Variants in NAAA observed in about 807,000 individuals in gnomAD.
NAAA encodes the protein N-acylethanolamine acid amidase.
Under a neutral mutation model 44.8 loss-of-function variants are expected in NAAA, and 39 were observed. The ratio of observed to expected loss-of-function variants is 0.87; its 90% CI spans 0.67 to 1.14. The LOEUF (loss-of-function observed/expected upper bound fraction) is 1.14, where lower values mean the gene tolerates loss of function less well. Among genes scored for constraint, NAAA ranks in the 50% most tolerant of loss-of-function variants. NAAA has a pLI of 0.00. For missense variants in NAAA, 460 were observed against 467.8 expected (o/e 0.98, Z 0.15); for synonymous variants, 178 against 191.3 (o/e 0.93, Z 0.58).
chr4:75,921,215 ATATGT>A, intron 5 of NAAA, 92 bp from the exon 6 acceptor site: 1 of 1,185,212 alleles, frequency 8.4e-7, no homozygotes, highest in Non-Finnish European at 1.2e-6. Context: ...CATTCTCCTG[ATATGT>A]TATGTCATGA....
At chr4:75,926,671 C>T (rs1726728992) in intron 4 of NAAA, among the ~76,000 whole-genome samples, 2 of 151,786 alleles carry the variant, frequency 1.3e-5, no homozygotes, top group Admixed American at 6.6e-5. Context: ...TCAGAGAACT[C>T]CTAAAACTCA....
In NAAA at chr4:75,939,437, A is replaced by G. The variant is rs1300083241; in HGVS notation, c.371+564T>C. Among the ~76,000 whole-genome samples the G allele has an allele frequency of 2.1e-5, 3 of 141,194 alleles. No individual in the cohort carries two copies. The Admixed American group carries it at 2.2e-4, about 10-fold the overall frequency. 92.6% of individuals were successfully genotyped at this position (141,194 alleles called of 152,430 possible). On this transcript the variant is annotated intron_variant, in intron 2 of 10. Coordinates refer to ENST00000286733, the MANE Select transcript of NAAA (RefSeq NM_014435.4). ...GAATTTTTTTTTTTTTTTTTTTGAG[A>G]CAGAGTCTCGCACTGTCGCCAGGGC...
intron 2 of NAAA, among the ~76,000 whole-genome samples, chr4:75,938,886 C>T (rs767428795): frequency 9.2e-5 from 14 of 152,154 alleles, no homozygotes; most frequent in Admixed American, 4.6e-4. Flanking sequence ...CTCGCTTTGT[C>T]GCCCAGGCTG....
intron 5 of NAAA, 107 bp downstream of exon 5, chr4:75,925,628 A>G: frequency 9.7e-7 from 1 of 1,034,404 alleles, no homozygotes. Flanking sequence ...TTAGATGCTT[A>G]TTCTTTTAAG....
chr4:75,922,862 T>C (rs1449219536), intron 5 of NAAA, among the ~76,000 whole-genome samples: 1 of 152,210 alleles, frequency 6.6e-6, no homozygotes. Flanking sequence ...ATCAAATTCA[T>C]TTTCTCTAAC....
downstream of NAAA, among the ~76,000 whole-genome samples, chr4:75,910,733 C>T (rs1052341318): frequency 3.9e-5 from 6 of 152,180 alleles, no homozygotes; most frequent in Non-Finnish European, 7.3e-5. Flanking sequence ...GGGAGCACAA[C>T]AAATCCCAAG....
rs201864537 is a variant in NAAA, at chr4:75,940,163, T to A, written c.209A>T (p.Asp70Val). The change falls in exon 2 of 11, where the codon GAC (aspartate) becomes GTC (valine). Residue 70 changes from aspartate (D) to valine (V), a missense_variant and splice_region_variant. Coordinates refer to ENST00000286733, the MANE Select transcript of NAAA (RefSeq NM_014435.4). Reference sequence around the variant, plus strand: ...CACGTGCACCCACTTGGGGACTCTGTCCCTAGAAACAAAAAGCACAAGGGC... The same window carrying A: ...CACGTGCACCCACTTGGGGACTCTGACCCTAGAAACAAAAAGCACAAGGGC... The part of the protein sequence containing the change: ...VRAAMAQVIG[D>V]RVPKWVHVLI... The A allele has an allele frequency of 2.1e-5, 34 of 1,612,552 alleles. No homozygotes were observed. The highest frequency in any genetic ancestry group is 2.7e-5 in the Non-Finnish European group (32 of 1,179,100).
chr4:75,912,946 G>A (rs901370395), downstream of NAAA, among the ~76,000 whole-genome samples: 1 of 152,042 alleles, frequency 6.6e-6, no homozygotes, highest in South Asian at 2.1e-4. Flanking sequence ...AATATTCTGG[G>A]CCACTAGAGA....
At chr4:75,918,665 C>T in intron 9 of NAAA, 96 bp downstream of exon 9, 1 of 1,322,900 alleles carries the variant, frequency 7.6e-7, no homozygotes, top group Non-Finnish European at 1.1e-6. Context: ...AGCCTGGTTA[C>T]AGGAGCCCTC....
At chr4:75,910,951 G>A (rs1193456444), downstream of NAAA, among the ~76,000 whole-genome samples, 1 of 152,192 alleles carries the variant, frequency 6.6e-6, no homozygotes, top group Non-Finnish European at 1.5e-5. Flanking sequence ...TATAGGTTTG[G>A]GATAGACGGT....
intron 6 of NAAA, 53 bp from the exon 7 acceptor site, chr4:75,920,853 G>C: frequency 6.2e-7 from 1 of 1,613,510 alleles, no homozygotes; most frequent in Admixed American, 1.7e-5. Flanking sequence ...CGACATAGCA[G>C]AGGAGACATA....
intron 8 of NAAA, chr4:75,919,375 A>T (rs551035577): frequency 6.5e-6 from 1 of 153,134 alleles, no homozygotes; most frequent in Admixed American, 6.5e-5. Flanking sequence ...TTTTCTTTTA[A>T]ACAATGAACA....
At chr4:75,913,605 G>A (rs1321762462), downstream of NAAA, 7 of 885,810 alleles carry the variant, frequency 7.9e-6, no homozygotes, top group Admixed American at 6.2e-5. Flanking sequence ...CAGGACAGCA[G>A]TTCAGAACCA....
chr4:75,939,973 T>TTAC, intron 2 of NAAA, 28 bp downstream of exon 2: 1 of 1,610,376 alleles, frequency 6.2e-7, no homozygotes, highest in South Asian at 1.1e-5. Flanking sequence ...AAGCCCCGCG[T>TTAC]TACTCCGCGC....
At chr4:75,925,615 C>A in intron 5 of NAAA, 120 bp downstream of exon 5, 1 of 899,930 alleles carries the variant, frequency 1.1e-6, no homozygotes. Flanking sequence ...ACTTTGCAGA[C>A]ATTTAGATGC....
intron 4 of NAAA, 120 bp downstream of exon 4, chr4:75,931,094 G>C (rs1318155127): frequency 2.8e-6 from 2 of 709,096 alleles, no homozygotes; most frequent in East Asian, 5.3e-5. Context: ...CTCCCCCTAG[G>C]ATGGAAGTCC....
chr4:75,923,044 T>A lies in NAAA; in HGVS notation c.667-1921A>T, dbSNP rs181960712. On this transcript the variant is annotated intron_variant, in intron 5 of 10. Transcript: ENST00000286733. ...TTCTTTCTTCTTCCTTTTTTTTTTTTAGTCTAGGTCCCAGAGTTTCTTTTG... is the reference window on the plus strand; with the variant it reads ...TTCTTTCTTCTTCCTTTTTTTTTTTAAGTCTAGGTCCCAGAGTTTCTTTTG... Among the ~76,000 whole-genome samples, 23 of 152,010 alleles carry A rather than the reference T, an allele frequency of 1.5e-4. No homozygotes were observed. The East Asian group carries it at 4.1e-3, about 27-fold the overall frequency.
At chr4:75,939,099 C>T (rs183156245) in intron 2 of NAAA, among the ~76,000 whole-genome samples, 2,174 of 152,122 alleles carry the variant, frequency 0.014, 43 homozygotes, top group African/African-American at 0.048. Flanking sequence ...GTGATTCACC[C>T]GCCTCGGCCT....
chr4:75,927,793 A>ATC (rs755545733), intron 4 of NAAA, among the ~76,000 whole-genome samples: 9 of 130,250 alleles, frequency 6.9e-5, no homozygotes, highest in South Asian at 2.9e-4. Context: ...TCTCAAAACA[A>ATC]ACAAAAAAAA....
Sources: allele counts gnomAD v4.1 joint callset (sites outside exome capture counted in the v4.1 genomes callset), GRCh38; gene constraint gnomAD v4.1.1; transcripts MANE v1.5; gene names NCBI Gene and HGNC (gene_info 2026-07-23, HGNC 2026-07-21).